Variants in RNASET2 observed in about 807,000 individuals in gnomAD.
The protein encoded by RNASET2 is ribonuclease T2.
Under a neutral mutation model 33.9 loss-of-function variants are expected in RNASET2, and 28 were observed. The ratio of observed to expected loss-of-function variants is 0.83; its 90% confidence interval spans 0.61 to 1.13. The LOEUF (loss-of-function observed/expected upper bound fraction) is 1.13, where lower values mean the gene tolerates loss of function less well. RNASET2 is among the 50% of genes most tolerant of loss of function. RNASET2 has a pLI of 0.00. For missense variants in RNASET2, 330 were observed against 319.9 expected (o/e 1.03, Z -0.24); for synonymous variants, 123 against 121.0 (o/e 1.02, Z -0.11).
intron 1 of RNASET2, among the ~76,000 whole-genome samples, chr6:166,954,706 C>T (rs540274745): frequency 1.3e-5 from 2 of 152,296 alleles, no homozygotes; most frequent in South Asian, 2.1e-4. Flanking sequence ...AAATATATAC[C>T]TAAGGTGTTT....
intron 2 of RNASET2, among the ~76,000 whole-genome samples, chr6:166,950,766 C>T (rs572082609): frequency 7.9e-5 from 12 of 152,332 alleles, no homozygotes; most frequent in East Asian, 5.8e-4. Flanking sequence ...GGGGCCAGCC[C>T]GGAGGGCCGT....
At position 166,949,199 on chromosome 6, in the gene RNASET2, CAAAAAAAAAAAA is replaced by C. The variant is rs1169530046; in HGVS notation, c.148-586_148-575del. Reference sequence around the variant, plus strand: ...GGTGACAAGAAAAAAACCGTGTCTCCAAAAAAAAAAAAAAAAAAAAAAGGCTGGGCACAGTGG... The same window carrying C: ...GGTGACAAGAAAAAAACCGTGTCTCCAAAAAAAAAAGGCTGGGCACAGTGG... On this transcript the variant is annotated intron_variant, in intron 2 of 8. Transcript: ENST00000508775. 1.4e-3 allele frequency among the ~76,000 whole-genome samples: 73 copies of C among 52,320 alleles called. 1 individual carries two copies. In the Admixed American group the frequency reaches 0.016, roughly 12 times the overall value. The allele number at this position is 52,320 out of a possible 152,430, so 34.3% of individuals were successfully genotyped here. A position where few individuals can be genotyped will look rare whatever the true frequency, so the allele number is the denominator to read the frequency against.
intron 6 of RNASET2, among the ~76,000 whole-genome samples, chr6:166,936,717 A>G (rs1778579040): frequency 6.6e-6 from 1 of 152,174 alleles, no homozygotes; most frequent in Non-Finnish European, 1.5e-5. Context: ...AACACCTCCC[A>G]CCTCCACACT....
chr6:166,943,244 G>A (rs766691850), intron 4 of RNASET2, 155 bp from the exon 5 acceptor site: 11 of 618,504 alleles, frequency 1.8e-5, no homozygotes, highest in African/African-American at 5.5e-5. Flanking sequence ...TTTGTATGAA[G>A]TGTTTGTTAA....
intron 6 of RNASET2, among the ~76,000 whole-genome samples, chr6:166,936,881 A>G (rs1261778478): frequency 1.3e-5 from 2 of 152,362 alleles, no homozygotes; most frequent in African/African-American, 2.4e-5. Flanking sequence ...GATTGATTTT[A>G]AAATTTTCAG....
chr6:166,943,459 A>T, intron 4 of RNASET2: 1 of 343,486 alleles, frequency 2.9e-6, no homozygotes, highest in South Asian at 2.3e-5. Context: ...GAGGCTACAT[A>T]CTGTATGATT....
At chr6:166,942,644 T>C (rs1003422520) in intron 5 of RNASET2, among the ~76,000 whole-genome samples, 3 of 151,632 alleles carry the variant, frequency 2.0e-5, no homozygotes, top group Admixed American at 6.6e-5. Flanking sequence ...CATTTTGTCA[T>C]GTTACCAGGC....
In RNASET2 at chr6:166,922,407, C is replaced by G. The variant is rs565203529; in HGVS notation, c.*7181G>C. Reference sequence around the variant, plus strand: ...CCCCGGCTCCCCATCAAAAAAACCACTTGATTTCCAGGAATTGCCATAGGC... The same window carrying G: ...CCCCGGCTCCCCATCAAAAAAACCAGTTGATTTCCAGGAATTGCCATAGGC... On this transcript the variant is annotated 3_prime_UTR_variant, in exon 9 of 9. Transcript: ENST00000508775. Among the ~76,000 whole-genome samples the G allele has an allele frequency of 6.6e-6, 1 of 152,292 alleles. No individual in the cohort carries two copies. Among genetic ancestry groups the G allele is most frequent in the East Asian group, 1.9e-4 (1 of 5,184 alleles).
Position 166,955,213 on chromosome 6 carries a change from G to GCACA in RNASET2, c.86+880_86+883dup, listed in dbSNP as rs1158168616. Among the ~76,000 whole-genome samples, 8 of 76,500 alleles carry GCACA rather than the reference G, an allele frequency of 1.0e-4. 2 individuals carry two copies. Among genetic ancestry groups the GCACA allele is most frequent in the Non-Finnish European group, 1.8e-4 (8 of 45,252 alleles). 50.2% of individuals were successfully genotyped at this position (76,500 alleles called of 152,430 possible). A position where few individuals can be genotyped will look rare whatever the true frequency, so the allele number is the denominator to read the frequency against. On this transcript the variant is annotated intron_variant, in intron 1 of 8. Transcript: ENST00000508775. Reference sequence around the variant, plus strand: ...CGCACACACGCACGCACACACGCACGCACACACGCGCACACACGCACGCAC... The same window carrying GCACA: ...CGCACACACGCACGCACACACGCACGCACACACACACGCGCACACACGCACGCAC...
rs781667430 is a variant in RNASET2, at chr6:166,942,989, T to A, written c.332+30A>T. On this transcript the variant is annotated intron_variant, in intron 5 of 8. Coordinates refer to ENST00000508775, the MANE Select transcript of RNASET2 (RefSeq NM_003730.6). ...CTCCCCACACCCGCTCAGACAGTAATCAAGACAGCAATCAGAGGCTGGGAC... is the reference window on the plus strand; with the variant it reads ...CTCCCCACACCCGCTCAGACAGTAAACAAGACAGCAATCAGAGGCTGGGAC... 5 of 1,593,644 alleles carry A rather than the reference T, an allele frequency of 3.1e-6. No homozygotes were observed. The African/African-American group carries it at 4.0e-5, about 13-fold the overall frequency.
chr6:166,941,947 C>G (rs937358540), intron 5 of RNASET2, among the ~76,000 whole-genome samples: 1 of 152,102 alleles, frequency 6.6e-6, no homozygotes, highest in Non-Finnish European at 1.5e-5. Flanking sequence ...TTAGCTTCTG[C>G]TGAACTTAAA....
chr6:166,939,884 T>C (rs1453039314), intron 5 of RNASET2, among the ~76,000 whole-genome samples: 1 of 152,260 alleles, frequency 6.6e-6, no homozygotes, highest in African/African-American at 2.4e-5. Flanking sequence ...TGATTCCTGA[T>C]ATTTTACTGC....
intron 1 of RNASET2, chr6:166,955,701 C>T (rs959086234): frequency 8.2e-6 from 9 of 1,092,436 alleles, no homozygotes; most frequent in Non-Finnish European, 1.0e-5. Flanking sequence ...TACTCCTTCC[C>T]AGGGGTCACC....
In RNASET2 at chr6:166,946,744, A is replaced by G; in HGVS notation, c.204-5T>C. 1 of 1,551,132 alleles carries G rather than the reference A, an allele frequency of 6.4e-7. No individual in the cohort carries two copies. Among genetic ancestry groups the G allele is most frequent in the Non-Finnish European group, 8.8e-7 (1 of 1,136,756 alleles). ...CATCCTTCACTTTTATCGGGCCTGG[A>G]AATTCAAATTTAAAAGAGAAAATAA... On this transcript the variant is annotated splice_polypyrimidine_tract_variant and splice_region_variant and intron_variant, in intron 3 of 8. Coordinates refer to ENST00000508775, the MANE Select transcript of RNASET2 (RefSeq NM_003730.6).
At position 166,934,306 on chromosome 6, in the gene RNASET2, C is replaced by T. The variant is rs1257695363; in HGVS notation, c.447-170G>A. The T allele has an allele frequency of 1.3e-5, 8 of 630,798 alleles. No individual in the cohort carries two copies. In the East Asian group the frequency reaches 1.7e-4, roughly 13 times the overall value. The allele number at this position is 630,798 out of a possible 1,614,324, so 39.1% of individuals were successfully genotyped here. On this transcript the variant is annotated intron_variant, in intron 6 of 8. Transcript: ENST00000508775. Reference sequence around the variant, plus strand: ...ACATGGACTGCAAATACATGGTTCCCAGTCCCCGCCTTCCCCACCCCTTAG... The same window carrying T: ...ACATGGACTGCAAATACATGGTTCCTAGTCCCCGCCTTCCCCACCCCTTAG...
intron 5 of RNASET2, among the ~76,000 whole-genome samples, chr6:166,939,308 G>A (rs866649120): frequency 2.0e-5 from 3 of 152,130 alleles, no homozygotes; most frequent in Non-Finnish European, 2.9e-5. Flanking sequence ...ACTATAGCCT[G>A]GGCAAGAGAC....
At position 166,952,871 on chromosome 6, in the gene RNASET2, C is replaced by T. The variant is rs142448153; in HGVS notation, c.87-323G>A. 109 of 363,824 alleles carry T rather than the reference C, an allele frequency of 3.0e-4. 1 individual carries two copies. In the East Asian group the frequency reaches 5.6e-3, roughly 19 times the overall value. The allele number at this position is 363,824 out of a possible 1,614,324, so 22.5% of individuals were successfully genotyped here. A position where few individuals can be genotyped will look rare whatever the true frequency, so the allele number is the denominator to read the frequency against. On this transcript the variant is annotated intron_variant, in intron 1 of 8. Transcript: ENST00000508775. ...TCACTGAAGGGAAGCCACTGAGCCA[C>T]GAAGCACCTTTCTCCTAAGGATGCT... is the stretch of plus-strand genomic sequence containing the variant.
intron 4 of RNASET2, chr6:166,943,737 T>C: frequency 2.1e-6 from 1 of 470,288 alleles, no homozygotes; most frequent in Non-Finnish European, 4.4e-6. Context: ...TGTAACACAC[T>C]ATAGAAGATG....
At chr6:166,955,197 G>GCACA (rs1279464424) in intron 1 of RNASET2, among the ~76,000 whole-genome samples, 8 of 119,070 alleles carry the variant, frequency 6.7e-5, no homozygotes, top group African/African-American at 2.2e-4. Flanking sequence ...ACGCACACAC[G>GCACA]CACGCACACA....
Sources: allele counts gnomAD v4.1 joint callset (sites outside exome capture counted in the v4.1 genomes callset), GRCh38; gene constraint gnomAD v4.1.1; transcripts MANE v1.5; gene names NCBI Gene and HGNC (gene_info 2026-07-23, HGNC 2026-07-21).